MEI4: variants seen among roughly 807,000 people sequenced by gnomAD.
MEI4 encodes the protein meiosis-specific protein MEI4.
Under a neutral mutation model 31.4 loss-of-function variants are expected in MEI4, and 27 were observed. That is an observed-to-expected ratio of 0.86 (90% CI 0.63 to 1.19). The LOEUF (loss-of-function observed/expected upper bound fraction) is 1.19, where lower values mean the gene tolerates loss of function less well. Ranked by LOEUF, MEI4 falls within the 50% of genes most tolerant of loss-of-function variation. The probability of loss-of-function intolerance (pLI) is 0.00; values close to 1 mark genes in which losing one functional copy is unlikely to be tolerated. For missense variants in MEI4, 329 were observed against 398.9 expected (o/e 0.82, Z 1.49); for synonymous variants, 122 against 145.4 (o/e 0.84, Z 1.16).
intron 4 of MEI4, among the ~76,000 whole-genome samples, chr6:77,915,914 A>C (rs536384070): frequency 5.9e-5 from 9 of 152,106 alleles, no homozygotes; most frequent in Non-Finnish European, 8.8e-5. Context: ...TGTTTCCTTT[A>C]TCATGGTGCC....
chr6:77,899,025 G>A (rs1766137876), intron 4 of MEI4, among the ~76,000 whole-genome samples: 1 of 151,936 alleles, frequency 6.6e-6, no homozygotes, highest in Admixed American at 6.6e-5. Context: ...TCGGGAATAC[G>A]ACTCTTTCTA....
intron 2 of MEI4, among the ~76,000 whole-genome samples, chr6:77,750,275 A>G (rs936959148): frequency 6.6e-6 from 1 of 152,224 alleles, no homozygotes; most frequent in African/African-American, 2.4e-5. Context: ...TAACAATAGT[A>G]ACCTTAAATG....
intron 2 of MEI4, among the ~76,000 whole-genome samples, chr6:77,734,881 C>T (rs1767137595): frequency 1.3e-5 from 2 of 151,768 alleles, no homozygotes; most frequent in South Asian, 4.2e-4. Context: ...TTTTATTTCT[C>T]CTTCACTTAT....
intron 3 of MEI4, among the ~76,000 whole-genome samples, chr6:77,821,709 C>T (rs1028286682): frequency 4.1e-5 from 6 of 147,846 alleles, no homozygotes; most frequent in Admixed American, 7.0e-5. Flanking sequence ...GCAGGAGAAT[C>T]GCTTGAATCC....
chr6:77,699,853 C>T (rs1766171195), intron 2 of MEI4, among the ~76,000 whole-genome samples: 1 of 152,114 alleles, frequency 6.6e-6, no homozygotes, highest in Admixed American at 6.5e-5. Flanking sequence ...ACTCCACATC[C>T]TGTTTACCTG....
At chr6:77,798,418 G>A (rs1449240021) in intron 3 of MEI4, among the ~76,000 whole-genome samples, 6 of 151,682 alleles carry the variant, frequency 4.0e-5, no homozygotes, top group Admixed American at 2.6e-4. Flanking sequence ...AAAAGAGATT[G>A]TCAAATTGGT....
chr6:77,749,395 T>G (rs1179607567), intron 2 of MEI4, among the ~76,000 whole-genome samples: 1 of 152,086 alleles, frequency 6.6e-6, no homozygotes, highest in African/African-American at 2.4e-5. Context: ...CATTGCTTAC[T>G]AGAACAGCAA....
chr6:77,677,393 C>T (rs1214884548), intron 1 of MEI4, among the ~76,000 whole-genome samples: 1 of 152,016 alleles, frequency 6.6e-6, no homozygotes, highest in Non-Finnish European at 1.5e-5. Context: ...TTGTTTCTGC[C>T]TTCTTTTCTC....
At chr6:77,912,172 G>C (rs936916134) in intron 4 of MEI4, among the ~76,000 whole-genome samples, 1 of 151,914 alleles carries the variant, frequency 6.6e-6, no homozygotes, top group Non-Finnish European at 1.5e-5. Flanking sequence ...TTGTTATTCT[G>C]TTCAATTAGT....
At chr6:77,771,937 AT>A (rs1363023854) in intron 3 of MEI4, among the ~76,000 whole-genome samples, 1 of 152,094 alleles carries the variant, frequency 6.6e-6, no homozygotes, top group Admixed American at 6.6e-5. Context: ...TAAACCTAAA[AT>A]AAAAGTTAAG....
At chr6:77,724,897 A>AT (rs1341283681) in intron 2 of MEI4, among the ~76,000 whole-genome samples, 2 of 145,500 alleles carry the variant, frequency 1.4e-5, no homozygotes, top group African/African-American at 2.6e-5. Context: ...TCTTTCTGGG[A>AT]TTTTTTCCTT....
intron 4 of MEI4, among the ~76,000 whole-genome samples, chr6:77,871,578 A>G (rs1771193038): frequency 6.6e-6 from 1 of 152,034 alleles, no homozygotes; most frequent in Admixed American, 6.6e-5. Context: ...AGGGCTGAAA[A>G]ACTATCTATT....
intron 4 of MEI4, among the ~76,000 whole-genome samples, chr6:77,890,433 A>G (rs1771731877): frequency 6.6e-6 from 1 of 152,120 alleles, no homozygotes; most frequent in African/African-American, 2.4e-5. Flanking sequence ...AATTTCTTCC[A>G]TTTGGAACAG....
At chr6:77,691,731 C>A (rs2127652530) in intron 2 of MEI4, among the ~76,000 whole-genome samples, 1 of 152,044 alleles carries the variant, frequency 6.6e-6, no homozygotes, top group East Asian at 1.9e-4. Flanking sequence ...TTTATGGTTT[C>A]TACTAGGACC....
chr6:77,896,325 T>C (rs1179786807), intron 4 of MEI4, among the ~76,000 whole-genome samples: 1 of 152,096 alleles, frequency 6.6e-6, no homozygotes, highest in Non-Finnish European at 1.5e-5. Context: ...ACAGGATGTT[T>C]CACCAAAGAA....
chr6:77,800,010 A>G (rs562700746), intron 3 of MEI4, among the ~76,000 whole-genome samples: 1 of 152,108 alleles, frequency 6.6e-6, no homozygotes, highest in Admixed American at 6.5e-5. Flanking sequence ...ACTTTAAAGT[A>G]GTTTTTTCCA....
At chr6:77,824,274 G>C (rs982898027) in intron 3 of MEI4, among the ~76,000 whole-genome samples, 2 of 152,118 alleles carry the variant, frequency 1.3e-5, no homozygotes, top group East Asian at 3.9e-4. Flanking sequence ...ATTTTTAGTA[G>C]AGATGTATTT....
chr6:77,868,056 TGG>T (rs2127724145), intron 4 of MEI4, among the ~76,000 whole-genome samples: 1 of 146,254 alleles, frequency 6.8e-6, no homozygotes, highest in Non-Finnish European at 1.5e-5. Context: ...CATCACACTC[TGG>T]GGACTGTTGT....
In MEI4 at chr6:77,831,738, C is replaced by T. The variant is rs149039046; in HGVS notation, c.900+2676C>T. ...TCATATTGAGGCAGAGAGTAAATCA[C>T]GGTTACCAGAGGCAGGGAAGGGAAG... On this transcript the variant is annotated intron_variant, in intron 4 of 4. Transcript: ENST00000684080. Among the ~76,000 whole-genome samples, 506 of 151,656 alleles carry T rather than the reference C, an allele frequency of 3.3e-3. 2 individuals carry two copies. Among genetic ancestry groups the T allele is most frequent in the African/African-American group, 0.012 (492 of 41,376 alleles).
Sources: allele counts gnomAD v4.1 joint callset (sites outside exome capture counted in the v4.1 genomes callset), GRCh38; gene constraint gnomAD v4.1.1; transcripts MANE v1.5; gene names NCBI Gene and HGNC (gene_info 2026-07-23, HGNC 2026-07-21).